The following TRAM2 variants were observed in gnomAD, a reference collection of about 807,000 sequenced individuals.
The protein encoded by TRAM2 is translocating chain-associated membrane protein 2.
A neutral mutation model predicts 51.0 loss-of-function variants in TRAM2; 12 were observed. That is an observed-to-expected ratio of 0.24 (90% CI 0.15 to 0.38). TRAM2 has a LOEUF of 0.38. Among genes scored for constraint, TRAM2 ranks in the 10% least tolerant of loss-of-function variants. The probability of loss-of-function intolerance (pLI) is 1.00; values close to 1 mark genes in which losing one functional copy is unlikely to be tolerated. For synonymous variants in TRAM2, 175 were observed against 179.4 expected (o/e 0.98, Z 0.20); for missense variants, 361 against 462.0 (o/e 0.78, Z 2.00).
intron 1 of TRAM2, among the ~76,000 whole-genome samples, chr6:52,567,009 T>C (rs1581703512): frequency 6.6e-6 from 1 of 152,360 alleles, no homozygotes; most frequent in East Asian, 1.9e-4. Context: ...CAATGTGTCC[T>C]TTTTCTCTGT....
intron 1 of TRAM2, among the ~76,000 whole-genome samples, chr6:52,556,812 C>T (rs997145489): frequency 7.3e-5 from 11 of 150,638 alleles, no homozygotes; most frequent in African/African-American, 2.7e-4. Flanking sequence ...CCTGTAGTCC[C>T]AGCTACTCGG....
intron 6 of TRAM2, 85 bp downstream of exon 6, chr6:52,508,148 GA>G (rs755098772): frequency 7.9e-6 from 10 of 1,269,398 alleles, no homozygotes; most frequent in Non-Finnish European, 1.0e-5. Flanking sequence ...TGCTTCTGGA[GA>G]AAAGGAAGGG....
intron 4 of TRAM2, among the ~76,000 whole-genome samples, chr6:52,513,459 G>A (rs1279034129): frequency 6.6e-6 from 1 of 152,154 alleles, no homozygotes; most frequent in East Asian, 1.9e-4. Flanking sequence ...TCAGAATCTA[G>A]TGGGAGAAAC....
At chr6:52,544,690 C>T (rs1344424594) in intron 1 of TRAM2, among the ~76,000 whole-genome samples, 2 of 152,330 alleles carry the variant, frequency 1.3e-5, no homozygotes, top group East Asian at 3.9e-4. Context: ...TAAACCAAGG[C>T]CAAGAACATT....
Position 52,523,282 on chromosome 6 carries a change from G to A in TRAM2, c.185-6545C>T, listed in dbSNP as rs117552990. 1.2e-4 allele frequency: 23 copies of A among 195,490 alleles called. 1 individual carries two copies. The East Asian group carries it at 2.8e-3, about 24-fold the overall frequency. The allele number at this position is 195,490 out of a possible 1,614,324, so 12.1% of individuals were successfully genotyped here. A position where few individuals can be genotyped will look rare whatever the true frequency, so the allele number is the denominator to read the frequency against. On this transcript the variant is annotated intron_variant, in intron 2 of 10. Transcript: ENST00000182527. ...AATCTGGAGGCAAATGATCACCTGG[G>A]GAAAATATTTACAATTCAGATCAGA...
intron 2 of TRAM2, among the ~76,000 whole-genome samples, chr6:52,526,520 G>A (rs1380964130): frequency 1.3e-5 from 2 of 152,040 alleles, no homozygotes; most frequent in Admixed American, 6.6e-5. Flanking sequence ...CTGAGTAGCT[G>A]GAATTACAGG....
chr6:52,532,637 T>C (rs1035849527), intron 2 of TRAM2, among the ~76,000 whole-genome samples: 4 of 152,204 alleles, frequency 2.6e-5, no homozygotes, highest in African/African-American at 7.2e-5. Flanking sequence ...GCCACAAGAA[T>C]GTTCACTGTA....
chr6:52,509,560 G>A lies in TRAM2; in HGVS notation c.438C>T (p.Ser146=). The A allele has an allele frequency of 2.5e-6, 4 of 1,614,098 alleles. No homozygotes were observed. The highest frequency in any genetic ancestry group is 3.4e-6 in the Non-Finnish European group (4 of 1,180,006). Reference sequence around the variant, plus strand: ...GCACATGCGGGTAGTCTTCCCAGAGGCTTCTTGGGTTTGTTAAGTATCCTT... The same window carrying A: ...GCACATGCGGGTAGTCTTCCCAGAGACTTCTTGGGTTTGTTAAGTATCCTT... ...VTEGYLTNPR[S]LWEDYPHVHL... Residue 146 remains serine, a synonymous_variant, in exon 5 of 11, where the codon AGC becomes AGT. Coordinates refer to ENST00000182527, the MANE Select transcript of TRAM2 (RefSeq NM_012288.4).
intron 2 of TRAM2, among the ~76,000 whole-genome samples, chr6:52,517,722 GCT>G (rs1360726120): frequency 1.3e-5 from 2 of 152,190 alleles, no homozygotes; most frequent in East Asian, 3.8e-4. Context: ...TGCTGCATTC[GCT>G]CTGAGTCACA....
intron 1 of TRAM2, among the ~76,000 whole-genome samples, chr6:52,574,774 C>T (rs1025579619): frequency 2.0e-5 from 3 of 152,148 alleles, no homozygotes; most frequent in Non-Finnish European, 2.9e-5. Flanking sequence ...GTTTAATGCA[C>T]AGGACTTTCC....
At chr6:52,530,652 G>A (rs1766871680) in intron 2 of TRAM2, among the ~76,000 whole-genome samples, 1 of 152,122 alleles carries the variant, frequency 6.6e-6, no homozygotes, top group South Asian at 2.1e-4. Context: ...CACTTCACAC[G>A]CGAAGGAACT....
intron 1 of TRAM2, among the ~76,000 whole-genome samples, chr6:52,572,401 C>T (rs986113568): frequency 4.6e-5 from 7 of 152,170 alleles, no homozygotes; most frequent in African/African-American, 9.7e-5. Flanking sequence ...GTCAGGAGTT[C>T]AAGACCAGCC....
At position 52,504,809 on chromosome 6, in the gene TRAM2, C is replaced by T. The variant is rs1383514516; in HGVS notation, c.876-55G>A. On this transcript the variant is annotated intron_variant, in intron 9 of 10. Transcript: ENST00000182527. ...TGGGGCTTGGGCTCACAGCCTTGGGCTGGGTTGTGCAGGGGAGAACAAGGG... is the reference window on the plus strand; with the variant it reads ...TGGGGCTTGGGCTCACAGCCTTGGGTTGGGTTGTGCAGGGGAGAACAAGGG... 6 of 1,529,548 alleles carry T rather than the reference C, an allele frequency of 3.9e-6. No homozygotes were observed. The Admixed American group carries it at 7.8e-5, about 20-fold the overall frequency. The allele number at this position is 1,529,548 out of a possible 1,614,324, so 94.7% of individuals were successfully genotyped here.
At chr6:52,505,016 C>T (rs1042548505) in intron 9 of TRAM2, among the ~76,000 whole-genome samples, 8 of 152,274 alleles carry the variant, frequency 5.3e-5, no homozygotes, top group African/African-American at 1.9e-4. Context: ...TACAATCACG[C>T]TACTCCTATG....
chr6:52,533,443 G>A (rs554074843), intron 2 of TRAM2, among the ~76,000 whole-genome samples: 10 of 152,144 alleles, frequency 6.6e-5, no homozygotes, highest in Non-Finnish European at 1.5e-4. Flanking sequence ...GGATGAGCGG[G>A]CATCTGTCTG....
chr6:52,504,535 C>T, intron 10 of TRAM2, 56 bp downstream of exon 10: 1 of 1,605,118 alleles, frequency 6.2e-7, no homozygotes, highest in Non-Finnish European at 8.5e-7. Flanking sequence ...GCTCCTCCCA[C>T]CCATCCCAGA....
chr6:52,524,817 G>A (rs1001094348), intron 2 of TRAM2: 2 of 151,988 alleles, frequency 1.3e-5, no homozygotes, highest in Non-Finnish European at 2.9e-5. Flanking sequence ...CACTTCTGGA[G>A]CCATCAGTTG....
At chr6:52,569,388 T>TA (rs11331630) in intron 1 of TRAM2, among the ~76,000 whole-genome samples, 26 of 136,104 alleles carry the variant, frequency 1.9e-4, no homozygotes, top group African/African-American at 3.3e-4. Context: ...AGACTCCATT[T>TA]AAAAAAAAAA....
At chr6:52,570,794 C>CT (rs1767664241) in intron 1 of TRAM2, among the ~76,000 whole-genome samples, 4 of 90,998 alleles carry the variant, frequency 4.4e-5, no homozygotes, top group Non-Finnish European at 5.0e-5. Flanking sequence ...CCCTGCCCAC[C>CT]ACCCCCCCCC....
Sources: gnomAD v4.1 joint callset for allele counts (sites outside exome capture counted in the v4.1 genomes callset) on GRCh38, gnomAD v4.1.1 for gene constraint, MANE v1.5 for transcripts, NCBI Gene and HGNC (gene_info 2026-07-23, HGNC 2026-07-21) for gene names.